Variants in TRPM4 observed in about 807,000 individuals in gnomAD.
TRPM4 encodes the protein transient receptor potential cation channel subfamily M member 4.
A neutral mutation model predicts 135.6 loss-of-function variants in TRPM4; 124 were observed. That is an observed-to-expected ratio of 0.91 (90% confidence interval 0.79 to 1.06). The LOEUF (loss-of-function observed/expected upper bound fraction) is 1.06, where lower values mean the gene tolerates loss of function less well. Ranked by LOEUF, TRPM4 falls within the 50% of genes least tolerant of loss-of-function variation. The pLI is 0.00. For synonymous variants in TRPM4, 745 were observed against 705.6 expected, an observed-to-expected ratio of 1.06 and a Z score of -0.88; for missense variants, 1,658 against 1,671.4, an observed-to-expected ratio of 0.99 and a Z score of 0.14.
intron 9 of TRPM4, among the ~76,000 whole-genome samples, chr19:49,174,597 T>TA (rs1444493682): frequency 6.6e-6 from 1 of 151,760 alleles, no homozygotes; most frequent in Non-Finnish European, 1.5e-5. Flanking sequence ...GCCACCTCTA[T>TA]AAAAAATACA....
In TRPM4 at chr19:49,210,441, A is replaced by G; in HGVS notation, c.3328+36A>G. The G allele has an allele frequency of 6.2e-7, 1 of 1,604,694 alleles. No homozygotes were observed. Among genetic ancestry groups the G allele is most frequent in the Non-Finnish European group, 8.5e-7 (1 of 1,176,546 alleles). On this transcript the variant is annotated intron_variant, in intron 21 of 24. Transcript: ENST00000252826. This position sits in a 1 kb window ranked among gnomAD's most constrained non-coding sequence, Gnocchi z 4.1. ...AGCTTGGCTTAAAAAGGAGAAATAT[A>G]GGGGACCGGGAGCCTGGAAGGCGAG...
chr19:49,202,048 C>A lies in TRPM4; in HGVS notation c.3038C>A (p.Ser1013Tyr). ...PPGAQAGTCV[S>Y]QYANWLVVLL... is the part of the protein sequence containing the mutation. ...GGGGCCCAGGCGGGCACCTGCGTCT[C>A]CCAGTATGCCAACTGGCTGGTGGTG... The change falls in exon 20 of 25, where the codon TCC becomes TAC. Residue 1013 changes from serine to tyrosine, a missense_variant. Ser to Tyr is a moderately radical substitution (Grantham distance 144, BLOSUM62 -2). Around this residue, in one of 3 missense-constraint regions of TRPM4, gnomAD observed 1,412 missense variants for 1,408.7 expected, o/e 1.00. Transcript: ENST00000252826. 6.2e-7 allele frequency: 1 copy of A among 1,614,050 alleles called. No individual in the cohort carries two copies. Among genetic ancestry groups the A allele is most frequent in the Non-Finnish European group, 8.5e-7 (1 of 1,180,028 alleles).
At chr19:49,185,293 G>A (rs1968158169) in intron 12 of TRPM4, among the ~76,000 whole-genome samples, 1 of 152,036 alleles carries the variant, frequency 6.6e-6, no homozygotes, top group Non-Finnish European at 1.5e-5. Context: ...CTGTCACTCA[G>A]ACTGGACTGC....
rs1023156174 is a variant in TRPM4 at position 49,211,825 on chromosome 19, A to G, written c.*327A>G. 4.4e-6 allele frequency: 2 copies of G among 449,924 alleles called. No homozygotes were observed. Among genetic ancestry groups the G allele is most frequent in the African/African-American group, 3.9e-5 (2 of 51,026 alleles). The allele number at this position is 449,924 out of a possible 1,614,324, so 27.9% of individuals were successfully genotyped here. ...TTCCTCACACTGGGGAAATAAAGCC[A>G]TTTCAGAGGAATCGTGTCCGGAGGC... On this transcript the variant is annotated 3_prime_UTR_variant, in exon 25 of 25. Transcript: ENST00000252826. The surrounding 1 kb of genome is among the most constrained non-coding windows in gnomAD (Gnocchi z 4.8).
chr19:49,196,333 G>C (rs1280602900), intron 16 of TRPM4, 107 bp from the exon 17 acceptor site: 2 of 1,047,514 alleles, frequency 1.9e-6, no homozygotes, highest in Non-Finnish European at 2.7e-6. Context: ...ACTGAGTTTC[G>C]GGTCAGGCAG....
Position 49,182,871 on chromosome 19 carries a change from C to A in TRPM4, c.1557C>A (p.Tyr519Ter), listed in dbSNP as rs1457525606. 1.9e-6 allele frequency: 3 copies of A among 1,607,896 alleles called. No individual in the cohort carries two copies. Among genetic ancestry groups the A allele is most frequent in the South Asian group, 2.2e-5 (2 of 90,582 alleles). ...MLLGKMCAPRYPSGGAWDPHP... is the reference protein window; with the variant it reads ...MLLGKMCAPR ...TGGGGAAGATGTGCGCGCCGAGGTA[C>A]CCCTCCGGGGGCGCCTGGGACCCTC... Residue 519 changes from tyrosine (Y) to a stop codon, truncating the protein, a stop_gained, in exon 11 of 25, where the codon TAC becomes TAA. Coordinates refer to ENST00000252826, the MANE Select transcript of TRPM4 (RefSeq NM_017636.4). LOFTEE classifies it high-confidence loss of function.
chr19:49,211,472 T>C lies in TRPM4; in HGVS notation c.3641-22T>C, dbSNP rs769284373. On this transcript the variant is annotated intron_variant, in intron 24 of 24. Coordinates refer to ENST00000252826, the MANE Select transcript of TRPM4 (RefSeq NM_017636.4). This position sits in a 1 kb window ranked among gnomAD's most constrained non-coding sequence, Gnocchi z 4.8. ...CCCCTTCCCTGCCAATCACCTGCTC[T>C]CTCTTTTCTCTCTTCCCCCAGACTG... 1.2e-6 allele frequency: 2 copies of C among 1,614,034 alleles called. No homozygotes were observed. Among genetic ancestry groups the C allele is most frequent in the South Asian group, 2.2e-5 (2 of 91,092 alleles).
chr19:49,164,682 T>TCTTG (rs113888558), intron 2 of TRPM4, among the ~76,000 whole-genome samples: 5,379 of 144,640 alleles, frequency 0.037, 132 homozygotes, highest in African/African-American at 0.071. Flanking sequence ...GCGCCCGGCC[T>TCTTG]CTTGCTTGCT....
chr19:49,189,879 G>T (rs1324234610), intron 14 of TRPM4, among the ~76,000 whole-genome samples: 1 of 152,056 alleles, frequency 6.6e-6, no homozygotes, highest in African/African-American at 2.4e-5. Flanking sequence ...TCTTTGGGCC[G>T]TTTCCTTAAC....
At chr19:49,182,455 T>TCCATCCAC in intron 10 of TRPM4, 123 bp from the exon 11 acceptor site, 1 of 88,586 alleles carries the variant, frequency 1.1e-5, no homozygotes, top group East Asian at 1.0e-4. Context: ...CATCCACCCA[T>TCCATCCAC]CCATCCATCC....
At chr19:49,204,937 G>T in intron 20 of TRPM4, among the ~76,000 whole-genome samples, 1 of 141,482 alleles carries the variant, frequency 7.1e-6, no homozygotes, top group Non-Finnish European at 1.5e-5. Flanking sequence ...TTTCTTGTTG[G>T]CATGATTTTT....
At chr19:49,188,880 C>A in intron 13 of TRPM4, 66 bp from the exon 14 acceptor site, 1 of 1,613,236 alleles carries the variant, frequency 6.2e-7, no homozygotes, top group Non-Finnish European at 8.5e-7. Flanking sequence ...ATTCCCTTAC[C>A]TCTCCCTTCA....
chr19:49,182,954 C>G (rs373483763), intron 11 of TRPM4, 32 bp downstream of exon 11: 37 of 1,581,720 alleles, frequency 2.3e-5, no homozygotes, highest in Admixed American at 1.7e-4. Flanking sequence ...GGGGCCCCCC[C>G]GCGCGGGAAG....
intron 20 of TRPM4, among the ~76,000 whole-genome samples, chr19:49,203,211 G>A (rs189478737): frequency 9.3e-5 from 14 of 151,182 alleles, no homozygotes; most frequent in African/African-American, 1.9e-4. Flanking sequence ...ATGGAGTCTC[G>A]CTCTGTCGCC....
chr19:49,199,391 T>G (rs569072413), intron 17 of TRPM4, among the ~76,000 whole-genome samples: 2 of 152,196 alleles, frequency 1.3e-5, no homozygotes, highest in Non-Finnish European at 2.9e-5. Flanking sequence ...ACTGAGTAGC[T>G]GGGACTACAG....
At chr19:49,184,657 T>A (rs1381339199) in intron 12 of TRPM4, among the ~76,000 whole-genome samples, 3 of 151,674 alleles carry the variant, frequency 2.0e-5, no homozygotes, top group African/African-American at 7.3e-5. Flanking sequence ...TTTTTTTGTA[T>A]TTTTTTAGAG....
chr19:49,178,772 T>TATTATTGTTGTTTTG (rs1555754745), intron 9 of TRPM4, among the ~76,000 whole-genome samples: 1 of 150,102 alleles, frequency 6.7e-6, no homozygotes, highest in Non-Finnish European at 1.5e-5. Flanking sequence ...TTTTTTATTT[T>TATTATTGTTGTTTTG]TTTTGAGATG....
chr19:49,191,602 C>T (rs1353042254), intron 16 of TRPM4, among the ~76,000 whole-genome samples: 3 of 151,830 alleles, frequency 2.0e-5, no homozygotes, highest in Admixed American at 6.6e-5. Context: ...TGGGTTCAAG[C>T]GATTCTCCTG....
At chr19:49,199,997 A>G (rs1301808246) in intron 17 of TRPM4, among the ~76,000 whole-genome samples, 8 of 152,026 alleles carry the variant, frequency 5.3e-5, no homozygotes, top group Non-Finnish European at 7.4e-5. Flanking sequence ...TTTGCCTTTT[A>G]TAGGTTGGAC....
Sources: allele counts gnomAD v4.1 joint callset (sites outside exome capture counted in the v4.1 genomes callset), GRCh38; gene constraint gnomAD v4.1.1; regional missense constraint gnomAD v4.1.1; non-coding constraint Gnocchi (gnomAD v3.1); transcripts MANE v1.5; gene names NCBI Gene and HGNC (gene_info 2026-07-23, HGNC 2026-07-21).